The following ZNF804B variants were observed in gnomAD, a reference collection of about 807,000 sequenced individuals.
ZNF804B encodes the protein zinc finger protein 804B, also known as zinc finger 804B.
In ZNF804B, 80 loss-of-function variants were observed where a neutral mutation model predicts 101.4. The observed-to-expected ratio is 0.79, with a 90% confidence interval of 0.66 to 0.95. The LOEUF (loss-of-function observed/expected upper bound fraction) is 0.95, where lower values mean the gene tolerates loss of function less well. Ranked by LOEUF, ZNF804B falls within the 40% of genes least tolerant of loss-of-function variation. ZNF804B has a pLI of 0.00. For missense variants in ZNF804B, 1,673 were observed against 1,561.9 expected, an observed-to-expected ratio of 1.07 and a Z score of -1.20; for synonymous variants, 622 against 558.8, an observed-to-expected ratio of 1.11 and a Z score of -1.59.
intron 1 of ZNF804B, among the ~76,000 whole-genome samples, chr7:89,171,383 TTCCTCTTCTTCC>T (rs2116434752): frequency 2.9e-5 from 4 of 136,058 alleles, no homozygotes; most frequent in African/African-American, 8.1e-5. Context: ...CTTCCTCTTC[TTCCTCTTCTTCC>T]TCTTCTTCTT....
chr7:89,116,689 T>A (rs184423489), intron 1 of ZNF804B, among the ~76,000 whole-genome samples: 1 of 152,218 alleles, frequency 6.6e-6, no homozygotes, highest in Non-Finnish European at 1.5e-5. Context: ...CCATAGTCTT[T>A]ACTTCTAATT....
chr7:89,133,285 T>C (rs1449391665), intron 1 of ZNF804B, among the ~76,000 whole-genome samples: 1 of 151,994 alleles, frequency 6.6e-6, no homozygotes, highest in African/African-American at 2.4e-5. Flanking sequence ...AATTTTCAAA[T>C]AAAATTTACA....
chr7:89,159,981 G>A (rs1402658240), intron 1 of ZNF804B, among the ~76,000 whole-genome samples: 7 of 152,066 alleles, frequency 4.6e-5, no homozygotes, highest in African/African-American at 9.7e-5. Flanking sequence ...GTCTAGCTGA[G>A]CGATGATATA....
intron 1 of ZNF804B, among the ~76,000 whole-genome samples, chr7:88,784,560 C>A (rs1440747267): frequency 6.6e-6 from 1 of 152,102 alleles, no homozygotes; most frequent in Non-Finnish European, 1.5e-5. Flanking sequence ...CTTCCTTTTA[C>A]CAAAAACTTT....
intron 1 of ZNF804B, among the ~76,000 whole-genome samples, chr7:89,095,240 C>T (rs1789954978): frequency 6.6e-6 from 1 of 152,140 alleles, no homozygotes. Flanking sequence ...GAGGACACAG[C>T]ATTTCTTCCC....
chr7:89,219,891 A>T (rs1490841969), intron 2 of ZNF804B, among the ~76,000 whole-genome samples: 1 of 149,434 alleles, frequency 6.7e-6, no homozygotes, highest in African/African-American at 2.5e-5. Flanking sequence ...GTGTGTATAT[A>T]TGTATATATG....
chr7:88,767,541 G>A (rs928821364), intron 1 of ZNF804B, among the ~76,000 whole-genome samples: 1 of 152,128 alleles, frequency 6.6e-6, no homozygotes, highest in Non-Finnish European at 1.5e-5. Context: ...AACAAAAATG[G>A]CCATGGGGCC....
intron 1 of ZNF804B, among the ~76,000 whole-genome samples, chr7:89,135,686 A>T (rs1790623292): frequency 6.6e-6 from 1 of 152,084 alleles, no homozygotes; most frequent in Non-Finnish European, 1.5e-5. Flanking sequence ...GCTTTTTATC[A>T]TCTAATTTTC....
At chr7:88,888,077 G>A (rs1792159817) in intron 1 of ZNF804B, among the ~76,000 whole-genome samples, 1 of 152,010 alleles carries the variant, frequency 6.6e-6, no homozygotes, top group African/African-American at 2.4e-5. Flanking sequence ...ACATCATTAT[G>A]CCCAAATGAT....
chr7:89,136,415 G>GC (rs1790635137), intron 1 of ZNF804B, among the ~76,000 whole-genome samples: 1 of 151,914 alleles, frequency 6.6e-6, no homozygotes, highest in Non-Finnish European at 1.5e-5. Context: ...CAATTCAATG[G>GC]CATTAAGTTC....
intron 1 of ZNF804B, among the ~76,000 whole-genome samples, chr7:89,160,211 G>C (rs1038542851): frequency 2.6e-5 from 4 of 152,058 alleles, no homozygotes; most frequent in Non-Finnish European, 4.4e-5. Flanking sequence ...TGTACTTTGA[G>C]ACCATGCTTC....
intron 1 of ZNF804B, among the ~76,000 whole-genome samples, chr7:88,915,693 A>G (rs190994596): frequency 2.0e-5 from 3 of 152,052 alleles, no homozygotes. Flanking sequence ...TCCTGAAAAC[A>G]TATTCTAGGA....
intron 1 of ZNF804B, among the ~76,000 whole-genome samples, chr7:88,955,782 G>A (rs1169260796): frequency 6.6e-6 from 1 of 151,524 alleles, no homozygotes; most frequent in Non-Finnish European, 1.5e-5. Flanking sequence ...CTTCTGCACA[G>A]CACAGGAAAC....
In ZNF804B at chr7:89,327,437, C is replaced by A. The variant is rs771302645; in HGVS notation, c.343C>A (p.Leu115Ile). The part of the protein sequence containing the change: ...EKKQEKALKR[L>I]HQLAELRQQS... ...AAAACAAGAAAAAGCACTTAAACGACTTCATCAGCTGGCTGAGTTAAGGCA... is the reference window on the plus strand; with the variant it reads ...AAAACAAGAAAAAGCACTTAAACGAATTCATCAGCTGGCTGAGTTAAGGCA... Residue 115 changes from leucine (L) to isoleucine (I), a missense_variant, in exon 3 of 4, where the codon CTT becomes ATT. Physicochemically the swap from Leu to Ile is conservative, Grantham distance 5. Coordinates refer to ENST00000333190, the MANE Select transcript of ZNF804B (RefSeq NM_181646.5). 1.9e-6 allele frequency: 3 copies of A among 1,611,292 alleles called. No individual in the cohort carries two copies. The highest frequency in any genetic ancestry group is 3.3e-5 in the Admixed American group (2 of 59,724).
chr7:88,809,634 A>C lies in ZNF804B; in HGVS notation c.108+49550A>C, dbSNP rs1324628358. ...GAATTTGCTAATTTGACAAATTTAT[A>C]TTAAGCTTTAAAACCAAAGTAAACC... On this transcript the variant is annotated intron_variant, in intron 1 of 3. Coordinates refer to ENST00000333190, the MANE Select transcript of ZNF804B (RefSeq NM_181646.5). Among the ~76,000 whole-genome samples, 3 of 152,374 alleles carry C rather than the reference A, an allele frequency of 2.0e-5. No homozygotes were observed. The East Asian group carries it at 5.8e-4, about 29-fold the overall frequency.
chr7:89,135,606 T>TACG (rs1397450242), intron 1 of ZNF804B, among the ~76,000 whole-genome samples: 48 of 149,076 alleles, frequency 3.2e-4, no homozygotes, highest in Admixed American at 6.8e-4. Context: ...GTGTACATAC[T>TACG]CTTACATCTT....
chr7:89,223,494 A>G (rs1562921501), intron 2 of ZNF804B, among the ~76,000 whole-genome samples: 1 of 151,886 alleles, frequency 6.6e-6, no homozygotes, highest in Non-Finnish European at 1.5e-5. Context: ...CTAGACGAGT[A>G]AGTCAACACA....
chr7:88,927,042 A>G lies in ZNF804B; in HGVS notation c.108+166958A>G, dbSNP rs555963280. Among the ~76,000 whole-genome samples, 5 of 152,072 alleles carry G rather than the reference A, an allele frequency of 3.3e-5. No homozygotes were observed. In the South Asian group the frequency reaches 1.0e-3, roughly 32 times the overall value. ...GCATACATTTTGGGGACTTAGTGAA[A>G]AGAAGTGCCCTTCATGGTGTTGTTG... On this transcript the variant is annotated intron_variant, in intron 1 of 3. Transcript: ENST00000333190.
intron 1 of ZNF804B, among the ~76,000 whole-genome samples, chr7:89,180,946 G>A (rs1357340303): frequency 1.3e-5 from 2 of 150,428 alleles, no homozygotes; most frequent in African/African-American, 2.5e-5. Flanking sequence ...AGTGAGATGG[G>A]GAGTCACCCT....
Sources: allele counts gnomAD v4.1 joint callset (sites outside exome capture counted in the v4.1 genomes callset), GRCh38; gene constraint gnomAD v4.1.1; transcripts MANE v1.5; gene names NCBI Gene and HGNC (gene_info 2026-07-23, HGNC 2026-07-21).